The following ESR1 variants were observed in gnomAD, a reference collection of about 807,000 sequenced individuals.
The protein encoded by ESR1 is estrogen receptor.
Under a neutral mutation model 52.7 loss-of-function variants are expected in ESR1, and 12 were observed. The observed-to-expected ratio is 0.23, with a 90% CI of 0.15 to 0.37. The LOEUF is 0.37. ESR1 is among the 10% of genes least tolerant of loss of function. The pLI, the probability that ESR1 is intolerant of heterozygous loss-of-function variation, is 1.00. For missense variants in ESR1, 584 were observed against 779.7 expected, an observed-to-expected ratio of 0.75 and a Z score of 2.99; for synonymous variants, 305 against 316.8, an observed-to-expected ratio of 0.96 and a Z score of 0.39.
intron 6 of ESR1, among the ~76,000 whole-genome samples, chr6:152,064,314 G>C (rs1003895501): frequency 1.3e-5 from 2 of 152,234 alleles, no homozygotes; most frequent in Non-Finnish European, 2.9e-5. Context: ...GCTGCAAAGG[G>C]GGCCATGGTG....
At chr6:151,959,757 T>C (rs1041294126) in intron 4 of ESR1, among the ~76,000 whole-genome samples, 4 of 152,138 alleles carry the variant, frequency 2.6e-5, no homozygotes, top group Non-Finnish European at 5.9e-5. Context: ...TAAACTGAAG[T>C]TGGTTGAGCT....
At chr6:151,754,462 T>TAA (rs1325693241) in intron 2 of ESR1, among the ~76,000 whole-genome samples, 2 of 152,222 alleles carry the variant, frequency 1.3e-5, no homozygotes, top group African/African-American at 2.4e-5. Context: ...ATTATTTAGC[T>TAA]AAACCTTGAT....
Position 152,053,781 on chromosome 6 carries a change from G to A in ESR1, c.1236-7210G>A, listed in dbSNP as rs567648725. Among the ~76,000 whole-genome samples the A allele has an allele frequency of 2.0e-5, 3 of 152,032 alleles. No individual in the cohort carries two copies. The highest frequency in any genetic ancestry group is 2.1e-4 in the South Asian group (1 of 4,832). On this transcript the variant is annotated intron_variant, in intron 5 of 7. Coordinates refer to ENST00000206249, the MANE Select transcript of ESR1 (RefSeq NM_000125.4). This position sits in a 1 kb window ranked among gnomAD's most constrained non-coding sequence, Gnocchi z 4.1. Reference sequence around the variant, plus strand: ...GCTTTCATGGAGGCCGTGTAAATTGGTATAACCTTTTTGGAAGGCGTTTTG... The same window carrying A: ...GCTTTCATGGAGGCCGTGTAAATTGATATAACCTTTTTGGAAGGCGTTTTG...
intron 3 of ESR1, among the ~76,000 whole-genome samples, chr6:151,939,938 A>G (rs77425694): frequency 0.01 from 1,585 of 152,280 alleles, 18 homozygotes; most frequent in African/African-American, 0.036. Context: ...TTTTGTTTGT[A>G]TACTTCATAG....
chr6:151,849,478 T>C (rs1204665002), intron 2 of ESR1, among the ~76,000 whole-genome samples: 1 of 152,004 alleles, frequency 6.6e-6, no homozygotes, highest in Non-Finnish European at 1.5e-5. Flanking sequence ...ACCCTGTCTC[T>C]ACTAAAAATA....
At position 152,011,808 on chromosome 6, in the gene ESR1, C is replaced by A; in HGVS notation, c.1235+14C>A. 1.9e-6 allele frequency: 3 copies of A among 1,612,104 alleles called. No homozygotes were observed. The highest frequency in any genetic ancestry group is 2.5e-6 in the Non-Finnish European group (3 of 1,179,044). ...GCTCTTGGACAGGTAAGTGACCTGG[C>A]TGTAGCTTAGGAGTAGCATGTTCTT... On this transcript the variant is annotated intron_variant, in intron 5 of 7. Transcript: ENST00000206249.
rs572240673 is a variant in ESR1, at chr6:151,761,665, T to C, written c.-70-46178T>C. Among the ~76,000 whole-genome samples, 5 of 152,318 alleles carry C rather than the reference T, an allele frequency of 3.3e-5. No individual in the cohort carries two copies. In the South Asian group the frequency reaches 1.0e-3, roughly 32 times the overall value. On this transcript the variant is annotated intron_variant, in intron 2 of 2. Coordinates refer to the ESR1 transcript ENST00000404742. Reference sequence around the variant, plus strand: ...ACAGTCCATCTAGAACAGTAAGCCCTCAATAAATGCTAGCTATCATTATCA... The same window carrying C: ...ACAGTCCATCTAGAACAGTAAGCCCCCAATAAATGCTAGCTATCATTATCA...
At chr6:151,680,875 A>G (rs1010848148) in intron 1 of ESR1, among the ~76,000 whole-genome samples, 1 of 152,162 alleles carries the variant, frequency 6.6e-6, no homozygotes, top group African/African-American at 2.4e-5. Flanking sequence ...TCTCCTCCTT[A>G]ACCCCTGAAA....
intron 4 of ESR1, among the ~76,000 whole-genome samples, chr6:151,948,794 C>T (rs1420766744): frequency 6.6e-6 from 1 of 152,062 alleles, no homozygotes; most frequent in Admixed American, 6.6e-5. Context: ...TGTGTTGTCT[C>T]GAGGATGCAT....
chr6:152,040,101 G>C (rs2045659745), intron 5 of ESR1, among the ~76,000 whole-genome samples: 1 of 152,176 alleles, frequency 6.6e-6, no homozygotes, highest in Non-Finnish European at 1.5e-5. Context: ...TAATCAACCT[G>C]CCACCAAGTA....
At chr6:152,120,879 A>G (rs888307840) in intron 6 of ESR1, among the ~76,000 whole-genome samples, 10 of 152,178 alleles carry the variant, frequency 6.6e-5, no homozygotes, top group African/African-American at 2.2e-4. Flanking sequence ...TTTGGTTTAA[A>G]TACTCAATTT....
chr6:152,060,948 T>A (rs563397396), intron 5 of ESR1, 43 bp from the exon 6 acceptor site: 7 of 1,485,070 alleles, frequency 4.7e-6, no homozygotes, highest in East Asian at 5.0e-5. Flanking sequence ...TTCTGTTTTT[T>A]AATCTTTTTA....
At chr6:151,916,641 T>C (rs1410782906) in intron 3 of ESR1, among the ~76,000 whole-genome samples, 1 of 152,168 alleles carries the variant, frequency 6.6e-6, no homozygotes, top group African/African-American at 2.4e-5. Context: ...AGGCTCTTCA[T>C]AATTCTTAAT....
At chr6:151,719,558 G>A (rs776403056) in intron 2 of ESR1, among the ~76,000 whole-genome samples, 1 of 152,216 alleles carries the variant, frequency 6.6e-6, no homozygotes, top group African/African-American at 2.4e-5. Flanking sequence ...AGGGAGAAAA[G>A]ATTGGAGGAC....
At position 151,945,024 on chromosome 6, in the gene ESR1, G is replaced by A. The variant is rs571817537; in HGVS notation, c.1096+516G>A. 2.9e-4 allele frequency among the ~76,000 whole-genome samples: 44 copies of A among 152,196 alleles called. No individual in the cohort carries two copies. The Middle Eastern group carries it at 0.01, about 35-fold the overall frequency. ...TGAGCCCAGGAGCTTGAGGCCATCC[G>A]GGGCAACGTGGCGAAACCCTGTCTC... On this transcript the variant is annotated intron_variant, in intron 4 of 7. Transcript: ENST00000206249.
At chr6:151,880,186 T>TTTG (rs1792601128) in intron 2 of ESR1, among the ~76,000 whole-genome samples, 1 of 132,188 alleles carries the variant, frequency 7.6e-6, no homozygotes, top group Non-Finnish European at 1.8e-5. Context: ...GTTCTGTTTT[T>TTTG]TTTTTTTTTT....
intron 5 of ESR1, among the ~76,000 whole-genome samples, chr6:152,027,770 G>A (rs565404674): frequency 1.3e-4 from 20 of 152,076 alleles, no homozygotes; most frequent in South Asian, 2.1e-4. Flanking sequence ...TTTTAGGTCC[G>A]TTTTCCTAGG....
chr6:151,938,394 TAAAC>T (rs2034629875), intron 3 of ESR1, among the ~76,000 whole-genome samples: 1 of 152,200 alleles, frequency 6.6e-6, no homozygotes, highest in Non-Finnish European at 1.5e-5. Context: ...AACAGATGAT[TAAAC>T]AAACTGTGAA....
intron 4 of ESR1, among the ~76,000 whole-genome samples, chr6:151,971,471 A>C (rs9340922): frequency 0.05 from 7,411 of 148,628 alleles, 469 homozygotes; most frequent in African/African-American, 0.15. Context: ...GAGTTACTTC[A>C]CTTTGAATAG....
Sources: gnomAD v4.1 joint callset for allele counts (sites outside exome capture counted in the v4.1 genomes callset) on GRCh38, gnomAD v4.1.1 for gene constraint, Gnocchi (gnomAD v3.1) non-coding constraint, MANE v1.5 for transcripts, NCBI Gene and HGNC (gene_info 2026-07-23, HGNC 2026-07-21) for gene names.